The following TBC1D12 variants were observed in gnomAD, a reference collection of about 807,000 sequenced individuals.
The protein encoded by TBC1D12 is TBC1 domain family member 12, also known as TBC1 domain family, member 12.
In TBC1D12, 56 loss-of-function variants were observed where a neutral mutation model predicts 86.7. That is an observed-to-expected ratio of 0.65 (90% CI 0.52 to 0.81). The LOEUF is 0.81. Ranked by LOEUF, TBC1D12 falls within the 30% of genes least tolerant of loss-of-function variation. The pLI, the probability that TBC1D12 is intolerant of heterozygous loss-of-function variation, is 0.00. For synonymous variants in TBC1D12, 421 were observed against 411.7 expected (o/e 1.02, Z -0.27); for missense variants, 1,023 against 1,038.8 (o/e 0.98, Z 0.21).
In TBC1D12 at chr10:94,438,962, C is replaced by A. The variant is rs180793515; in HGVS notation, c.972-2934C>A. ...GGGATTACAGGTTTGCGCCACCATG[C>A]CTGGCTAATTTTTGTATTTTTAGTG... On this transcript the variant is annotated intron_variant, in intron 1 of 12. Coordinates refer to ENST00000225235, the MANE Select transcript of TBC1D12 (RefSeq NM_015188.2). 2.5e-3 allele frequency among the ~76,000 whole-genome samples: 381 copies of A among 152,158 alleles called. 1 individual carries two copies. The highest frequency in any genetic ancestry group is 8.9e-3 in the African/African-American group (371 of 41,512).
In TBC1D12 at chr10:94,471,607, C is replaced by T. The variant is rs556985350; in HGVS notation, c.1096-3061C>T. On this transcript the variant is annotated intron_variant, in intron 2 of 12. Coordinates refer to ENST00000225235, the MANE Select transcript of TBC1D12 (RefSeq NM_015188.2). The stretch of plus-strand genomic sequence containing the variant: ...TGCTGACTTGTTCTTTTAATTCTTT[C>T]TGCCTATCAGTACCCATCATTTTTG... 2.4e-4 allele frequency among the ~76,000 whole-genome samples: 37 copies of T among 152,268 alleles called. No homozygotes were observed. In the South Asian group the frequency reaches 3.7e-3, roughly 15 times the overall value.
At chr10:94,520,610 C>T (rs1357293035) in intron 9 of TBC1D12, among the ~76,000 whole-genome samples, 2 of 151,886 alleles carry the variant, frequency 1.3e-5, no homozygotes, top group African/African-American at 2.4e-5. Flanking sequence ...TGATTGTAGG[C>T]ATCCCTTTCA....
chr10:94,487,397 C>G (rs935708980), intron 3 of TBC1D12, among the ~76,000 whole-genome samples: 1 of 151,068 alleles, frequency 6.6e-6, no homozygotes, highest in African/African-American at 2.4e-5. Context: ...TTCTTTCGTT[C>G]CTTCCAGTCT....
intron 8 of TBC1D12, among the ~76,000 whole-genome samples, chr10:94,510,788 G>C (rs2056516434): frequency 6.6e-6 from 1 of 152,042 alleles, no homozygotes; most frequent in African/African-American, 2.4e-5. Context: ...TGGGATTACA[G>C]GCATGTGCCA....
intron 1 of TBC1D12, among the ~76,000 whole-genome samples, chr10:94,432,119 G>T (rs1339448186): frequency 6.6e-6 from 1 of 151,726 alleles, no homozygotes; most frequent in Non-Finnish European, 1.5e-5. Flanking sequence ...GTGGGAGAAA[G>T]GGAAGAGAGA....
intron 2 of TBC1D12, among the ~76,000 whole-genome samples, chr10:94,462,851 G>C (rs1262203286): frequency 5.9e-5 from 9 of 152,058 alleles, no homozygotes; most frequent in African/African-American, 2.2e-4. Flanking sequence ...TGTTTTAAAA[G>C]AAACACCTTT....
chr10:94,531,739 G>T (rs12768696), intron 12 of TBC1D12, among the ~76,000 whole-genome samples: 60 of 82,788 alleles, frequency 7.2e-4, no homozygotes, highest in African/African-American at 1.5e-3. Context: ...TTTATGTTAT[G>T]TTATTTTATG....
chr10:94,437,548 G>A (rs1435568563), intron 1 of TBC1D12, among the ~76,000 whole-genome samples: 2 of 151,888 alleles, frequency 1.3e-5, no homozygotes, highest in African/African-American at 2.4e-5. Context: ...GGAAGGTCTC[G>A]ATTTCCTGAC....
At chr10:94,419,914 C>T (rs1240602058) in intron 1 of TBC1D12, among the ~76,000 whole-genome samples, 1 of 152,180 alleles carries the variant, frequency 6.6e-6, no homozygotes, top group African/African-American at 2.4e-5. Context: ...CTGAAAGAAG[C>T]AAGCAGTTAA....
At chr10:94,477,025 A>G (rs775009472) in intron 3 of TBC1D12, among the ~76,000 whole-genome samples, 36 of 152,236 alleles carry the variant, frequency 2.4e-4, no homozygotes, top group Non-Finnish European at 4.7e-4. Context: ...TTGAAATAAC[A>G]TGGTAGGTAC....
chr10:94,417,510 G>A (rs999302161), intron 1 of TBC1D12, among the ~76,000 whole-genome samples: 1 of 152,184 alleles, frequency 6.6e-6, no homozygotes, highest in African/African-American at 2.4e-5. Context: ...AAAAGAGCCA[G>A]AATAGCTATT....
At chr10:94,488,123 C>T (rs534758739) in intron 3 of TBC1D12, among the ~76,000 whole-genome samples, 11 of 152,078 alleles carry the variant, frequency 7.2e-5, no homozygotes, top group South Asian at 2.1e-4. Context: ...CAGTGGCTTA[C>T]GACTGTAATC....
intron 6 of TBC1D12, among the ~76,000 whole-genome samples, chr10:94,504,683 C>T (rs899344673): frequency 2.6e-5 from 4 of 152,246 alleles, no homozygotes; most frequent in African/African-American, 9.6e-5. Flanking sequence ...GGGCATATTA[C>T]TTAACATCTA....
chr10:94,418,114 A>AT (rs1307759220), intron 1 of TBC1D12, among the ~76,000 whole-genome samples: 2 of 152,008 alleles, frequency 1.3e-5, no homozygotes, highest in African/African-American at 2.4e-5. Flanking sequence ...GTTCTTGTTC[A>AT]TTTTTTTACC....
intron 1 of TBC1D12, among the ~76,000 whole-genome samples, chr10:94,437,446 C>T (rs2055318603): frequency 6.6e-6 from 1 of 151,966 alleles, no homozygotes; most frequent in Non-Finnish European, 1.5e-5. Flanking sequence ...CTGCCTCAGC[C>T]CTCCGGAGTA....
At chr10:94,506,614 C>A (rs2056463217) in intron 6 of TBC1D12, among the ~76,000 whole-genome samples, 1 of 152,054 alleles carries the variant, frequency 6.6e-6, no homozygotes, top group Non-Finnish European at 1.5e-5. Context: ...TTTTATGAGA[C>A]CCTGCATATG....
intron 3 of TBC1D12, among the ~76,000 whole-genome samples, chr10:94,483,725 T>A (rs1261181810): frequency 6.6e-6 from 1 of 151,418 alleles, no homozygotes; most frequent in African/African-American, 2.5e-5. Context: ...TTATTGGTTT[T>A]GTTTTTGTTT....
At position 94,473,076 on chromosome 10, in the gene TBC1D12, C is replaced by T. The variant is rs576795793; in HGVS notation, c.1096-1592C>T. 5.9e-5 allele frequency among the ~76,000 whole-genome samples: 9 copies of T among 152,028 alleles called. No individual in the cohort carries two copies. The South Asian group carries it at 6.2e-4, about 11-fold the overall frequency. ...TAAGCTTCAAGAAGATAATCAAGGC[C>T]GGGCACGGTGGCTCACGCCTGTAAT... On this transcript the variant is annotated intron_variant, in intron 2 of 12. Transcript: ENST00000225235.
intron 3 of TBC1D12, among the ~76,000 whole-genome samples, chr10:94,483,626 A>T (rs2056111860): frequency 1.3e-5 from 2 of 152,286 alleles, no homozygotes; most frequent in Middle Eastern, 3.4e-3. Context: ...ATCCCTGTGG[A>T]TATATAAGCT....
Sources: gnomAD v4.1 joint callset for allele counts (sites outside exome capture counted in the v4.1 genomes callset) on GRCh38, gnomAD v4.1.1 for gene constraint, MANE v1.5 for transcripts, NCBI Gene and HGNC (gene_info 2026-07-23, HGNC 2026-07-21) for gene names.